Variants in CFAP61 observed in about 807,000 individuals in gnomAD.
CFAP61 encodes cilia and flagella associated protein 61.
CFAP61 carries 107 observed loss-of-function variants against 135.6 expected under a neutral mutation model. That is an observed-to-expected ratio of 0.79 (90% confidence interval 0.67 to 0.93). CFAP61 has a LOEUF of 0.93. Ranked by LOEUF, CFAP61 falls within the 40% of genes least tolerant of loss-of-function variation. CFAP61 has a pLI of 0.00. For synonymous variants in CFAP61, 575 were observed against 578.5 expected, an observed-to-expected ratio of 0.99 and a Z score of 0.09; for missense variants, 1,507 against 1,556.2, an observed-to-expected ratio of 0.97 and a Z score of 0.53.
intron 18 of CFAP61, among the ~76,000 whole-genome samples, chr20:20,230,381 A>G (rs1443445409): frequency 6.6e-6 from 1 of 152,180 alleles, no homozygotes; most frequent in Non-Finnish European, 1.5e-5. Context: ...ATGGTAACCT[A>G]CTGCGTATTT....
chr20:20,181,193 A>ATGTATATATATGTATATATACATATG (rs1569079495), intron 13 of CFAP61, among the ~76,000 whole-genome samples: 33 of 138,324 alleles, frequency 2.4e-4, no homozygotes, highest in African/African-American at 7.6e-4. Context: ...ATGCATATAT[A>ATGTATATATATGTATATATACATATG]TGTATATATA....
At chr20:20,062,575 T>C (rs1056033161) in intron 2 of CFAP61, among the ~76,000 whole-genome samples, 2 of 152,074 alleles carry the variant, frequency 1.3e-5, no homozygotes, top group Non-Finnish European at 2.9e-5. Context: ...CAAAAGTTTG[T>C]TCTTTAAAAA....
At chr20:20,343,108 C>T (rs191833714) in intron 26 of CFAP61, among the ~76,000 whole-genome samples, 137 of 152,306 alleles carry the variant, frequency 9.0e-4, no homozygotes, top group Non-Finnish European at 1.5e-3. Context: ...CCGCCCGCCT[C>T]GGCCTCCCAA....
chr20:20,296,137 C>G (rs796302286), intron 24 of CFAP61, among the ~76,000 whole-genome samples: 2 of 8,528 alleles, frequency 2.3e-4, no homozygotes, highest in Non-Finnish European at 3.7e-4. Flanking sequence ...CTTCCTTCCT[C>G]CCTCCCTCCC....
At chr20:20,135,123 A>G (rs1187027041) in intron 8 of CFAP61, among the ~76,000 whole-genome samples, 2 of 152,194 alleles carry the variant, frequency 1.3e-5, no homozygotes, top group African/African-American at 4.8e-5. Context: ...AGGAAAAGGC[A>G]ATGTGATTAT....
At chr20:20,103,237 T>A (rs79961294) in intron 8 of CFAP61, among the ~76,000 whole-genome samples, 9,493 of 152,278 alleles carry the variant, frequency 0.062, 411 homozygotes, top group Non-Finnish European at 0.092. Flanking sequence ...AAAAAAAGTT[T>A]CCCTGAATCT....
chr20:20,333,506 G>A (rs184586441), intron 25 of CFAP61, among the ~76,000 whole-genome samples: 87 of 152,290 alleles, frequency 5.7e-4, no homozygotes, highest in Non-Finnish European at 1.0e-3. Context: ...CGCAAGCATC[G>A]GTCTTTGTTT....
intron 14 of CFAP61, among the ~76,000 whole-genome samples, chr20:20,188,593 T>C (rs1483487686): frequency 6.6e-6 from 1 of 152,204 alleles, no homozygotes; most frequent in Non-Finnish European, 1.5e-5. Flanking sequence ...AGTGTAGTAA[T>C]GCATGTATGT....
At chr20:20,181,866 G>A (rs2055124529) in intron 13 of CFAP61, among the ~76,000 whole-genome samples, 1 of 152,204 alleles carries the variant, frequency 6.6e-6, no homozygotes, top group Admixed American at 6.5e-5. Flanking sequence ...CAGGTAGAGG[G>A]AGGTGGGAAT....
At chr20:20,156,143 T>C (rs1407651301) in intron 9 of CFAP61, among the ~76,000 whole-genome samples, 1 of 152,106 alleles carries the variant, frequency 6.6e-6, no homozygotes, top group East Asian at 1.9e-4. Flanking sequence ...ACACCAACTG[T>C]TCTCCCAAAA....
At chr20:20,332,772 G>A (rs923113330) in intron 25 of CFAP61, among the ~76,000 whole-genome samples, 5 of 151,954 alleles carry the variant, frequency 3.3e-5, no homozygotes, top group African/African-American at 7.3e-5. Context: ...GCACCACCAC[G>A]TCCAGCTAAT....
intron 7 of CFAP61, among the ~76,000 whole-genome samples, chr20:20,097,952 C>T (rs923992488): frequency 1.3e-5 from 2 of 152,126 alleles, no homozygotes; most frequent in African/African-American, 4.8e-5. Flanking sequence ...GACCTGTATT[C>T]CTGAGAAGTG....
chr20:20,269,136 T>TACACACACACACACACACACACACACAC lies in CFAP61; in HGVS notation c.2503+6007_2503+6008insCACACACACACACACACACACACACACA, dbSNP rs1329227544. On this transcript the variant is annotated intron_variant, in intron 21 of 26. Coordinates refer to ENST00000245957, the MANE Select transcript of CFAP61 (RefSeq NM_015585.4). ...CGTGGGCTATATATATATATATATATATATATATATACACACACACACACA... is the reference window on the plus strand; with the variant it reads ...CGTGGGCTATATATATATATATATATACACACACACACACACACACACACACACATATATATATACACACACACACACA... Among the ~76,000 whole-genome samples, 276 of 81,182 alleles carry TACACACACACACACACACACACACACAC rather than the reference T, an allele frequency of 3.4e-3. 6 individuals are homozygous for TACACACACACACACACACACACACACAC. The highest frequency in any genetic ancestry group is 0.011 in the African/African-American group (257 of 23,258). 53.3% of individuals were successfully genotyped at this position (81,182 alleles called of 152,430 possible). A position where few individuals can be genotyped will look rare whatever the true frequency, so the allele number is the denominator to read the frequency against.
intron 17 of CFAP61, among the ~76,000 whole-genome samples, chr20:20,219,477 T>G (rs945716635): frequency 6.6e-6 from 1 of 152,178 alleles, no homozygotes; most frequent in African/African-American, 2.4e-5. Context: ...TTTTAAAGTC[T>G]ATGGCTAAAT....
chr20:20,149,106 C>T (rs2052166286), intron 9 of CFAP61, among the ~76,000 whole-genome samples: 1 of 152,174 alleles, frequency 6.6e-6, no homozygotes, highest in African/African-American at 2.4e-5. Context: ...AAATACTTCA[C>T]TCAACAACAG....
chr20:20,170,400 G>A (rs1440285209), intron 13 of CFAP61, among the ~76,000 whole-genome samples: 2 of 32,278 alleles, frequency 6.2e-5, no homozygotes, highest in African/African-American at 2.5e-4. Flanking sequence ...GAGCTTTAAT[G>A]AATCAATAAA....
intron 25 of CFAP61, among the ~76,000 whole-genome samples, chr20:20,338,187 G>T (rs913037293): frequency 4.6e-5 from 7 of 152,204 alleles, no homozygotes; most frequent in African/African-American, 1.7e-4. Flanking sequence ...GACACTCATG[G>T]CTGAGCTTGA....
chr20:20,157,892 CAACATATT>C (rs2053066337), intron 9 of CFAP61, among the ~76,000 whole-genome samples: 1 of 152,090 alleles, frequency 6.6e-6, no homozygotes, highest in African/African-American at 2.4e-5. Context: ...CTTGTTTCTA[CAACATATT>C]TTTTAAAACT....
chr20:20,111,783 C>T (rs6046630), intron 8 of CFAP61, among the ~76,000 whole-genome samples: 1 of 151,976 alleles, frequency 6.6e-6, no homozygotes, highest in African/African-American at 2.4e-5. Context: ...AAAAGAGAGA[C>T]GGGTTCCTTA....
Sources: allele counts gnomAD v4.1 joint callset (sites outside exome capture counted in the v4.1 genomes callset), GRCh38; gene constraint gnomAD v4.1.1; transcripts MANE v1.5; gene names NCBI Gene and HGNC (gene_info 2026-07-23, HGNC 2026-07-21).